The following ITIH2 variants were observed in gnomAD, a reference collection of about 807,000 sequenced individuals.
ITIH2 encodes the protein inter-alpha-trypsin inhibitor heavy chain 2.
ITIH2 carries 103 observed loss-of-function variants against 104.4 expected under a neutral mutation model. The observed-to-expected ratio is 0.99, with a 90% CI of 0.84 to 1.16. The LOEUF is 1.16. ITIH2 is among the 50% of genes most tolerant of loss of function. ITIH2 has a pLI of 0.00. For synonymous variants in ITIH2, 436 were observed against 435.4 expected, an observed-to-expected ratio of 1.00 and a Z score of -0.02; for missense variants, 1,108 against 1,162.4, an observed-to-expected ratio of 0.95 and a Z score of 0.68.
chr10:7,708,411 C>A (rs1286227500), intron 3 of ITIH2, among the ~76,000 whole-genome samples: 3 of 152,182 alleles, frequency 2.0e-5, no homozygotes, highest in Non-Finnish European at 4.4e-5. Context: ...ATACTTGCAT[C>A]AGAATGCCCT....
At chr10:7,741,859 C>A (rs1298048615) in intron 16 of ITIH2, among the ~76,000 whole-genome samples, 6 of 152,184 alleles carry the variant, frequency 3.9e-5, no homozygotes, top group Admixed American at 1.3e-4. Context: ...AACTCTTCTA[C>A]CTCCACTCCT....
intron 2 of ITIH2, among the ~76,000 whole-genome samples, chr10:7,705,499 A>G (rs1205527708): frequency 6.6e-6 from 1 of 152,082 alleles, no homozygotes; most frequent in Non-Finnish European, 1.5e-5. Context: ...TGAGGCCAGG[A>G]GTTCCAGATC....
At chr10:7,748,354 CTGG>C (rs1157850417) in intron 20 of ITIH2, among the ~76,000 whole-genome samples, 1 of 148,960 alleles carries the variant, frequency 6.7e-6, no homozygotes, top group Non-Finnish European at 1.5e-5. Flanking sequence ...GTCCCGTGGG[CTGG>C]GCACAGTGAT....
intron 5 of ITIH2, among the ~76,000 whole-genome samples, chr10:7,715,544 C>A (rs572441413): frequency 6.6e-6 from 1 of 152,128 alleles, no homozygotes; most frequent in Non-Finnish European, 1.5e-5. Context: ...ACTGGAGATA[C>A]GGCAGGGAAC....
intron 8 of ITIH2, among the ~76,000 whole-genome samples, chr10:7,722,002 T>A (rs1389187244): frequency 6.6e-6 from 1 of 152,116 alleles, no homozygotes; most frequent in African/African-American, 2.4e-5. Flanking sequence ...CAGGAGGGCA[T>A]TCCTGGGCCT....
rs192427238 is a variant in ITIH2, at chr10:7,738,622, G to C, written c.1959G>C (p.Gly653=). 2.2e-4 allele frequency: 357 copies of C among 1,613,288 alleles called. 3 individuals carry two copies. In the East Asian group the frequency reaches 4.3e-3, roughly 19 times the overall value. Residue 653 remains glycine (G), a splice_region_variant and synonymous_variant, in exon 16 of 21, where the codon GGG becomes GGC. Coordinates refer to ENST00000358415, the MANE Select transcript of ITIH2 (RefSeq NM_002216.3). ...ACAGATGCAGGTTTGTCTACGCAGG[G>C]GCCCTGTATTACGGCAGCAAAGTGG... ...APPQDPSCCS[G]ALYYGSKVVP... is the part of the protein sequence containing the mutation.
In ITIH2 at chr10:7,725,414, GA is replaced by G. The variant is rs1297243852; in HGVS notation, c.985-1535del. Among the ~76,000 whole-genome samples the G allele has an allele frequency of 2.0e-5, 3 of 152,358 alleles. No homozygotes were observed. In the East Asian group the frequency reaches 5.8e-4, roughly 29 times the overall value. ...AAGAACAGAGAGAGATGCCAGTAGA[GA>G]GGGGCAGTGGGAGATGAGATCTGAG... is the stretch of plus-strand genomic sequence containing the variant. On this transcript the variant is annotated intron_variant, in intron 9 of 20. Coordinates refer to ENST00000358415, the MANE Select transcript of ITIH2 (RefSeq NM_002216.3).
intron 19 of ITIH2, among the ~76,000 whole-genome samples, chr10:7,746,067 T>TAAAAAAA (rs1564308527): frequency 7.8e-5 from 4 of 51,092 alleles, no homozygotes; most frequent in African/African-American, 3.6e-4. Context: ...AATCTTAAAT[T>TAAAAAAA]TAAAAAAAAA....
chr10:7,720,780 T>C (rs1588453962), intron 6 of ITIH2, 76 bp from the exon 7 acceptor site: 1 of 896,714 alleles, frequency 1.1e-6, no homozygotes, highest in Non-Finnish European at 1.9e-6. Context: ...AGAGGACTTA[T>C]TTGTAATTTT....
chr10:7,717,909 A>G (rs759791554), intron 6 of ITIH2, 121 bp downstream of exon 6: 79 of 922,412 alleles, frequency 8.6e-5, no homozygotes, highest in Non-Finnish European at 1.1e-4. Context: ...TCTACAAGAC[A>G]GTGGGATGTA....
intron 3 of ITIH2, among the ~76,000 whole-genome samples, 172 bp downstream of exon 3, chr10:7,707,405 G>T (rs1237903092): frequency 6.6e-6 from 1 of 152,064 alleles, no homozygotes; most frequent in Non-Finnish European, 1.5e-5. Context: ...GAAGAGTGCA[G>T]TCTTTACAGA....
chr10:7,727,782 C>G lies in ITIH2; in HGVS notation c.1233C>G (p.Asn411Lys), dbSNP rs775003689. 6.2e-7 allele frequency: 1 copy of G among 1,614,178 alleles called. No individual in the cohort carries two copies. The highest frequency in any genetic ancestry group is 8.5e-7 in the Non-Finnish European group (1 of 1,179,988). The change falls in exon 11 of 21, where the codon AAC becomes AAG. Residue 411 changes from asparagine to lysine, a missense_variant. Asn to Lys is a moderately conservative substitution (Grantham distance 94, BLOSUM62 0). Coordinates refer to ENST00000358415, the MANE Select transcript of ITIH2 (RefSeq NM_002216.3). ...ATAACTTGGGACTGTTAGACCCCAA[C>G]TCCGTCTCGCTGATCATTTTGGTTT... The part of the protein sequence containing the change: ...EANNLGLLDP[N>K]SVSLIILVSD...
chr10:7,744,323 CG>C, intron 18 of ITIH2, 43 bp downstream of exon 18: 4 of 1,433,878 alleles, frequency 2.8e-6, no homozygotes, highest in Non-Finnish European at 3.9e-6. Context: ...CCGTGACACA[CG>C]ACTGCATAAA....
intron 16 of ITIH2, among the ~76,000 whole-genome samples, chr10:7,740,490 T>C (rs1421604299): frequency 6.6e-6 from 1 of 152,210 alleles, no homozygotes; most frequent in Non-Finnish European, 1.5e-5. Context: ...ACCAGCAGTT[T>C]CTGAGAGCCA....
At chr10:7,704,925 G>C (rs560966043) in intron 1 of ITIH2, among the ~76,000 whole-genome samples, 183 bp from the exon 2 acceptor site, 2 of 150,608 alleles carry the variant, frequency 1.3e-5, no homozygotes, top group East Asian at 3.9e-4. Context: ...CTGTCAGGGG[G>C]TGGGGGGCTA....
chr10:7,732,042 G>A, intron 13 of ITIH2, 46 bp downstream of exon 13: 1 of 1,435,726 alleles, frequency 7.0e-7, no homozygotes, highest in Non-Finnish European at 9.7e-7. Context: ...TGACCCCCTA[G>A]ATACAGTCCC....
At chr10:7,731,700 G>A (rs1316064028) in intron 12 of ITIH2, 111 bp from the exon 13 acceptor site, 1 of 782,954 alleles carries the variant, frequency 1.3e-6, no homozygotes, top group South Asian at 2.2e-5. Flanking sequence ...ACTCCAGCCT[G>A]GGCAACAGAG....
At chr10:7,716,694 C>G (rs1346867692) in intron 5 of ITIH2, among the ~76,000 whole-genome samples, 1 of 147,696 alleles carries the variant, frequency 6.8e-6, no homozygotes, top group Non-Finnish European at 1.5e-5. Context: ...TGAGATCACA[C>G]CACTGCACTA....
chr10:7,730,834 G>A (rs1834995413), intron 12 of ITIH2, among the ~76,000 whole-genome samples: 1 of 152,176 alleles, frequency 6.6e-6, no homozygotes, highest in South Asian at 2.1e-4. Context: ...CTGATTTGGG[G>A]ACTATTAACC....
Sources: gnomAD v4.1 joint callset for allele counts (sites outside exome capture counted in the v4.1 genomes callset) on GRCh38, gnomAD v4.1.1 for gene constraint, MANE v1.5 for transcripts, NCBI Gene and HGNC (gene_info 2026-07-23, HGNC 2026-07-21) for gene names.